The following PTPRO variants were observed in gnomAD, a reference collection of about 807,000 sequenced individuals.
The protein encoded by PTPRO is receptor-type tyrosine-protein phosphatase O.
In PTPRO, 62 loss-of-function variants were observed where a neutral mutation model predicts 145.2. The ratio of observed to expected loss-of-function variants is 0.43; its 90% CI spans 0.35 to 0.53. The LOEUF is 0.53. Ranked by LOEUF, PTPRO falls within the 20% of genes least tolerant of loss-of-function variation. The pLI, the probability that PTPRO is intolerant of heterozygous loss-of-function variation, is 0.01. For missense variants in PTPRO, 1,345 were observed against 1,482.7 expected (o/e 0.91, Z 1.53); for synonymous variants, 565 against 514.7 (o/e 1.10, Z -1.32).
rs188318903 is a variant in PTPRO, at chr12:15,426,348, C to A, written c.76-57626C>A. On this transcript the variant is annotated intron_variant, in intron 1 of 26. Transcript: ENST00000281171. ...TCTTGGAATTTTTCTTAGTCATATC[C>A]GTGAAAATTGTTAGCTTTATCTCTT... Among the ~76,000 whole-genome samples the A allele has an allele frequency of 9.2e-5, 14 of 151,924 alleles. No individual in the cohort carries two copies. The East Asian group carries it at 2.3e-3, about 25-fold the overall frequency.
intron 1 of PTPRO, among the ~76,000 whole-genome samples, chr12:15,382,850 T>C (rs1591761402): frequency 6.6e-6 from 1 of 152,328 alleles, no homozygotes; most frequent in East Asian, 1.9e-4. Flanking sequence ...TGACAAATAA[T>C]TGTACATATT....
intron 1 of PTPRO, among the ~76,000 whole-genome samples, chr12:15,468,326 A>G (rs1483393311): frequency 6.6e-6 from 1 of 152,228 alleles, no homozygotes; most frequent in Non-Finnish European, 1.5e-5. Context: ...TGAATAACCC[A>G]TAAGTGTCTT....
At chr12:15,383,474 T>A (rs950692252) in intron 1 of PTPRO, among the ~76,000 whole-genome samples, 6 of 152,174 alleles carry the variant, frequency 3.9e-5, no homozygotes, top group Admixed American at 1.3e-4. Context: ...AATGACTTAA[T>A]GTTGATGATA....
chr12:15,545,344 A>G (rs951666227), intron 12 of PTPRO, among the ~76,000 whole-genome samples: 5 of 151,752 alleles, frequency 3.3e-5, no homozygotes, highest in Non-Finnish European at 7.4e-5. Flanking sequence ...GCAAGGTACA[A>G]TATGTCCAAA....
At chr12:15,384,489 G>A (rs1375783843) in intron 1 of PTPRO, among the ~76,000 whole-genome samples, 1 of 152,178 alleles carries the variant, frequency 6.6e-6, no homozygotes, top group Non-Finnish European at 1.5e-5. Flanking sequence ...ATCCTAGCTG[G>A]TAGTCAGCCA....
chr12:15,536,047 C>G (rs948147509), intron 12 of PTPRO, among the ~76,000 whole-genome samples: 15 of 150,504 alleles, frequency 1.0e-4, no homozygotes, highest in African/African-American at 3.4e-4. Context: ...AGGTCTTATA[C>G]TTTTTTAAAA....
chr12:15,439,173 A>C (rs1432318197), intron 1 of PTPRO, among the ~76,000 whole-genome samples: 1 of 152,168 alleles, frequency 6.6e-6, no homozygotes, highest in Non-Finnish European at 1.5e-5. Context: ...TATCTCAACA[A>C]AGGTTTATAA....
At chr12:15,363,299 T>C (rs779835806) in intron 1 of PTPRO, among the ~76,000 whole-genome samples, 33 of 152,156 alleles carry the variant, frequency 2.2e-4, no homozygotes, top group Non-Finnish European at 4.3e-4. Flanking sequence ...AGAAAGTAAT[T>C]ACCTCTCCTC....
chr12:15,325,481 T>G (rs774689856), intron 1 of PTPRO, among the ~76,000 whole-genome samples: 1 of 152,248 alleles, frequency 6.6e-6, no homozygotes, highest in Non-Finnish European at 1.5e-5. Context: ...CTGCATAATT[T>G]ATCTTGCCTA....
intron 1 of PTPRO, among the ~76,000 whole-genome samples, chr12:15,481,410 C>T (rs1941776225): frequency 6.6e-6 from 1 of 152,222 alleles, no homozygotes; most frequent in South Asian, 2.1e-4. Flanking sequence ...TTCCCTAGAA[C>T]TTAAGTGTCA....
At chr12:15,454,552 G>T (rs1445495449) in intron 1 of PTPRO, among the ~76,000 whole-genome samples, 3 of 152,012 alleles carry the variant, frequency 2.0e-5, no homozygotes, top group African/African-American at 7.2e-5. Flanking sequence ...CCTTTGCTGT[G>T]CAGAAACTTT....
rs145851704 is a variant in PTPRO at position 15,420,015 on chromosome 12, C to G, written c.76-63959C>G. Among the ~76,000 whole-genome samples, 18 of 151,210 alleles carry G rather than the reference C, an allele frequency of 1.2e-4. 1 individual carries two copies. Among genetic ancestry groups the G allele is most frequent in the Admixed American group, 4.6e-4 (7 of 15,240 alleles). On this transcript the variant is annotated intron_variant, in intron 1 of 26. Transcript: ENST00000281171. Reference sequence around the variant, plus strand: ...ACAAAAAATTAGCTGGGCGCGGTGGCGGGCGCCCATAGTCCCAGCTACTCG... The same window carrying G: ...ACAAAAAATTAGCTGGGCGCGGTGGGGGGCGCCCATAGTCCCAGCTACTCG...
intron 1 of PTPRO, among the ~76,000 whole-genome samples, chr12:15,375,508 A>C (rs753892762): frequency 3.3e-5 from 5 of 152,172 alleles, no homozygotes; most frequent in Admixed American, 2.0e-4. Flanking sequence ...CTGTAATCCC[A>C]GCACTCTGGG....
At position 15,405,605 on chromosome 12, in the gene PTPRO, T is replaced by C. The variant is rs554274379; in HGVS notation, c.76-78369T>C. 3.3e-5 allele frequency among the ~76,000 whole-genome samples: 5 copies of C among 152,312 alleles called. No individual in the cohort carries two copies. In the East Asian group the frequency reaches 5.8e-4, roughly 18 times the overall value. ...ACCTAGAATCCATGAGGGGAGAAGA[T>C]AACAATATTACTCTTTGCACAAAAA... On this transcript the variant is annotated intron_variant, in intron 1 of 26. Transcript: ENST00000281171.
chr12:15,596,436 G>T lies in PTPRO; in HGVS notation c.*363G>T, dbSNP rs1018853312. 18 of 152,484 alleles carry T rather than the reference G, an allele frequency of 1.2e-4. No homozygotes were observed. The highest frequency in any genetic ancestry group is 4.3e-4 in the African/African-American group (18 of 41,394). The allele number at this position is 152,484 out of a possible 1,614,324, so 9.4% of individuals were successfully genotyped here. On this transcript the variant is annotated 3_prime_UTR_variant, in exon 27 of 27. Coordinates refer to ENST00000281171, the MANE Select transcript of PTPRO (RefSeq NM_030667.3). ...TTTGTTTTTCAGTGCAATAATTTTTGTGTGTGTGTGATTCTTATCAGAAAG... is the reference window on the plus strand; with the variant it reads ...TTTGTTTTTCAGTGCAATAATTTTTTTGTGTGTGTGATTCTTATCAGAAAG...
chr12:15,429,859 A>T (rs1207605799), intron 1 of PTPRO, among the ~76,000 whole-genome samples: 2 of 152,288 alleles, frequency 1.3e-5, no homozygotes, highest in Middle Eastern at 3.4e-3. Context: ...AGAGATTAAA[A>T]ACAATAGAAC....
chr12:15,565,611 G>C lies in PTPRO; in HGVS notation c.2730G>C (p.Lys910Asn). 1 of 1,456,550 alleles carries C rather than the reference G, an allele frequency of 6.9e-7. No individual in the cohort carries two copies. The highest frequency in any genetic ancestry group is 9.6e-7 in the Non-Finnish European group (1 of 1,040,648). The allele number at this position is 1,456,550 out of a possible 1,614,324, so 90.2% of individuals were successfully genotyped here. A position where few individuals can be genotyped will look rare whatever the true frequency, so the allele number is the denominator to read the frequency against. ...TTATCAGGAGTAAAAATGGTTTAAA[G>C]AAGAGGAAACTGACAAAGTAAGTTT... ...YINPWSKNGL[K>N]KRKLTNPVQL... Residue 910 changes from lysine to asparagine, a missense_variant, in exon 18 of 27, where the codon AAG (lysine) becomes AAC (asparagine). Physicochemically the swap from Lys to Asn is moderately conservative, Grantham distance 94. Transcript: ENST00000281171.
intron 12 of PTPRO, among the ~76,000 whole-genome samples, chr12:15,541,461 C>T (rs1943179021): frequency 6.6e-6 from 1 of 152,052 alleles, no homozygotes; most frequent in Non-Finnish European, 1.5e-5. Flanking sequence ...AGCAAAATAC[C>T]ACAGACTGGG....
At chr12:15,532,852 A>G (rs1020923831) in intron 12 of PTPRO, among the ~76,000 whole-genome samples, 7 of 152,092 alleles carry the variant, frequency 4.6e-5, no homozygotes, top group African/African-American at 1.7e-4. Context: ...CATATTCCCA[A>G]TGTCTTCCTT....
Sources: gnomAD v4.1 joint callset for allele counts (sites outside exome capture counted in the v4.1 genomes callset) on GRCh38, gnomAD v4.1.1 for gene constraint, MANE v1.5 for transcripts, NCBI Gene and HGNC (gene_info 2026-07-23, HGNC 2026-07-21) for gene names.